KIF6: variants seen among roughly 807,000 people sequenced by gnomAD.
KIF6 encodes kinesin-like protein KIF6.
A neutral mutation model predicts 112.7 loss-of-function variants in KIF6; 106 were observed. The observed-to-expected ratio is 0.94, with a 90% CI of 0.80 to 1.11. The LOEUF (loss-of-function observed/expected upper bound fraction) is 1.11. Among genes scored for constraint, KIF6 ranks in the 50% least tolerant of loss-of-function variants. The pLI is 0.00. For synonymous variants in KIF6, 339 were observed against 339.9 expected (o/e 1.00, Z 0.03); for missense variants, 929 against 964.0 (o/e 0.96, Z 0.48).
intron 7 of KIF6, among the ~76,000 whole-genome samples, chr6:39,595,640 C>T (rs1384417463): frequency 3.3e-5 from 5 of 152,126 alleles, no homozygotes; most frequent in Admixed American, 3.3e-4. Context: ...GGAAGAAATT[C>T]TGATACATGC....
chr6:39,582,233 T>G (rs924077255), intron 9 of KIF6, among the ~76,000 whole-genome samples: 2 of 152,174 alleles, frequency 1.3e-5, no homozygotes, highest in African/African-American at 4.8e-5. Flanking sequence ...GTTTTTTTGG[T>G]TTTGAGATTA....
At chr6:39,400,124 A>C (rs1768577030) in intron 15 of KIF6, among the ~76,000 whole-genome samples, 1 of 152,338 alleles carries the variant, frequency 6.6e-6, no homozygotes, top group South Asian at 2.1e-4. Context: ...GACTTTGGCC[A>C]TAATATTTTG....
At chr6:39,595,081 C>T (rs1425227435) in intron 7 of KIF6, among the ~76,000 whole-genome samples, 6 of 152,018 alleles carry the variant, frequency 3.9e-5, no homozygotes, top group Non-Finnish European at 5.9e-5. Context: ...TTGTAATCAG[C>T]CTGGGGTAGA....
chr6:39,619,727 T>C (rs1783712519), intron 5 of KIF6, among the ~76,000 whole-genome samples: 1 of 152,174 alleles, frequency 6.6e-6, no homozygotes. Context: ...CTAGGTGCAA[T>C]TAATGTGTAG....
At chr6:39,573,461 A>G (rs1055303016) in intron 10 of KIF6, among the ~76,000 whole-genome samples, 4 of 152,266 alleles carry the variant, frequency 2.6e-5, no homozygotes, top group Non-Finnish European at 5.9e-5. Context: ...ACAATTTAAC[A>G]TAAACAATAA....
intron 13 of KIF6, among the ~76,000 whole-genome samples, chr6:39,536,254 C>CA (rs1395356333): frequency 6.6e-6 from 1 of 151,358 alleles, no homozygotes; most frequent in Admixed American, 6.6e-5. Context: ...AAAAACCCTT[C>CA]AAAAAATTAA....
At chr6:39,443,150 TAATA>T (rs1772048670) in intron 13 of KIF6, among the ~76,000 whole-genome samples, 1 of 131,346 alleles carries the variant, frequency 7.6e-6, no homozygotes, top group African/African-American at 2.9e-5. Context: ...ATAATAATAA[TAATA>T]ATAATAAATA....
chr6:39,492,728 G>C (rs1163666029), intron 13 of KIF6, among the ~76,000 whole-genome samples: 1 of 152,192 alleles, frequency 6.6e-6, no homozygotes, highest in African/African-American at 2.4e-5. Flanking sequence ...ATACATGTGT[G>C]GGGTGGTAAC....
chr6:39,595,484 C>G (rs963270649), intron 7 of KIF6, among the ~76,000 whole-genome samples: 1 of 152,106 alleles, frequency 6.6e-6, no homozygotes, highest in East Asian at 1.9e-4. Flanking sequence ...ATGGTATACA[C>G]AAAATGCTAG....
At chr6:39,568,912 A>C (rs192066759) in intron 10 of KIF6, among the ~76,000 whole-genome samples, 5 of 152,178 alleles carry the variant, frequency 3.3e-5, no homozygotes, top group Non-Finnish European at 7.4e-5. Flanking sequence ...GTTTCAAACA[A>C]TCTTCAATAG....
At chr6:39,705,965 A>G (rs993901558) in intron 3 of KIF6, among the ~76,000 whole-genome samples, 1 of 152,168 alleles carries the variant, frequency 6.6e-6, no homozygotes, top group Non-Finnish European at 1.5e-5. Context: ...CACCAGCTTA[A>G]GAGATGTCTC....
At chr6:39,448,958 T>C (rs1406273403) in intron 13 of KIF6, among the ~76,000 whole-genome samples, 1 of 152,234 alleles carries the variant, frequency 6.6e-6, no homozygotes, top group East Asian at 1.9e-4. Context: ...TGGCACCATT[T>C]GCTCAAGCAA....
intron 1 of KIF6, among the ~76,000 whole-genome samples, chr6:39,723,602 G>GATGA (rs1437029898): frequency 3.9e-5 from 6 of 152,150 alleles, no homozygotes; most frequent in Non-Finnish European, 4.4e-5. Context: ...CAGGGACATG[G>GATGA]ATGAAGCTGG....
At chr6:39,401,743 C>T (rs946698430) in intron 15 of KIF6, among the ~76,000 whole-genome samples, 1 of 152,042 alleles carries the variant, frequency 6.6e-6, no homozygotes, top group African/African-American at 2.4e-5. Context: ...GTGCACATGC[C>T]TGGCATGTGG....
intron 10 of KIF6, among the ~76,000 whole-genome samples, chr6:39,553,017 T>G (rs1779472973): frequency 6.6e-6 from 1 of 152,228 alleles, no homozygotes; most frequent in Admixed American, 6.5e-5. Context: ...ATTAGTTTCA[T>G]GTTTGCTTTT....
intron 3 of KIF6, among the ~76,000 whole-genome samples, chr6:39,656,207 C>T (rs1452760200): frequency 6.6e-6 from 1 of 152,216 alleles, no homozygotes; most frequent in Non-Finnish European, 1.5e-5. Flanking sequence ...ATGGCAACAA[C>T]TGGCTGAGGC....
At chr6:39,345,217 C>T (rs769885155) in intron 21 of KIF6, among the ~76,000 whole-genome samples, 40 of 152,230 alleles carry the variant, frequency 2.6e-4, no homozygotes, top group Non-Finnish European at 5.1e-4. Context: ...GCAGGCCAGC[C>T]GGAAGCACTA....
intron 6 of KIF6, among the ~76,000 whole-genome samples, chr6:39,610,578 T>C (rs952040158): frequency 6.6e-6 from 1 of 152,236 alleles, no homozygotes; most frequent in Non-Finnish European, 1.5e-5. Context: ...TTCTGACAGG[T>C]TGTAATCCAA....
intron 5 of KIF6, among the ~76,000 whole-genome samples, chr6:39,623,811 G>A (rs1424933895): frequency 6.6e-6 from 1 of 152,138 alleles, no homozygotes; most frequent in Non-Finnish European, 1.5e-5. Flanking sequence ...TACTGCTTGT[G>A]ACCTTCATCA....
Sources: gnomAD v4.1 joint callset for allele counts (sites outside exome capture counted in the v4.1 genomes callset) on GRCh38, gnomAD v4.1.1 for gene constraint, MANE v1.5 for transcripts, NCBI Gene and HGNC (gene_info 2026-07-23, HGNC 2026-07-21) for gene names.